CD96: variants seen among roughly 807,000 people sequenced by gnomAD.
CD96 encodes the protein T-cell surface protein tactile.
In CD96, 70 loss-of-function variants were observed where a neutral mutation model predicts 71.3. The ratio of observed to expected loss-of-function variants is 0.98; its 90% confidence interval spans 0.81 to 1.20. The LOEUF (loss-of-function observed/expected upper bound fraction) is 1.20. CD96 is among the 50% of genes most tolerant of loss of function. The probability of loss-of-function intolerance (pLI) is 0.00; values close to 1 mark genes in which losing one functional copy is unlikely to be tolerated. For synonymous variants in CD96, 248 were observed against 233.0 expected, an observed-to-expected ratio of 1.06 and a Z score of -0.59; for missense variants, 742 against 677.5, an observed-to-expected ratio of 1.10 and a Z score of -1.06.
chr3:111,542,457 G>T lies in CD96; in HGVS notation c.61+148G>T, dbSNP rs1559705241. 4 of 708,682 alleles carry T rather than the reference G, an allele frequency of 5.6e-6. No homozygotes were observed. In the South Asian group the frequency reaches 5.9e-5, roughly 11 times the overall value. The allele number at this position is 708,682 out of a possible 1,614,324, so 43.9% of individuals were successfully genotyped here. On this transcript the variant is annotated intron_variant, in intron 1 of 13. Transcript: ENST00000352690. ...AAGGGTTTCAGTTATGTATTTAAGC[G>T]GCAGGTATAAGAGAGATGCTAGAAT...
rs1477942868 is a variant in CD96 at position 111,560,459 on chromosome 3, C to T, written c.419-7064C>T. 7.2e-4 allele frequency among the ~76,000 whole-genome samples: 101 copies of T among 140,084 alleles called. 1 individual carries two copies. Among genetic ancestry groups the T allele is most frequent in the African/African-American group, 2.5e-3 (95 of 37,342 alleles). 91.9% of individuals were successfully genotyped at this position (140,084 alleles called of 152,430 possible). A position where few individuals can be genotyped will look rare whatever the true frequency, so the allele number is the denominator to read the frequency against. The stretch of plus-strand genomic sequence containing the variant: ...TCTGTAAAGTATTTAATTTCTCCTT[C>T]ACTTATGAAGCTTAGTTTGGCTGGA... On this transcript the variant is annotated intron_variant, in intron 2 of 13. Transcript: ENST00000352690.
At chr3:111,563,530 G>A (rs1457212256) in intron 2 of CD96, among the ~76,000 whole-genome samples, 1 of 152,172 alleles carries the variant, frequency 6.6e-6, no homozygotes, top group Non-Finnish European at 1.5e-5. Context: ...TTTTCAATAA[G>A]AAATGCTTTG....
intron 5 of CD96, chr3:111,593,744 G>A (rs972352331): frequency 6.2e-7 from 1 of 1,613,972 alleles, no homozygotes; most frequent in Non-Finnish European, 8.5e-7. Flanking sequence ...CCTTTGGCTG[G>A]CCCACAAAGC....
intron 8 of CD96, among the ~76,000 whole-genome samples, chr3:111,610,995 G>T (rs1331999537): frequency 6.6e-6 from 1 of 152,152 alleles, no homozygotes; most frequent in Non-Finnish European, 1.5e-5. Flanking sequence ...GACAGACAGG[G>T]CTCCTGTTGC....
intron 12 of CD96, among the ~76,000 whole-genome samples, chr3:111,647,088 T>TAAAAAAAAAAAAAAAAA (rs11337310): frequency 1.0e-5 from 1 of 98,944 alleles, no homozygotes. Flanking sequence ...GGGTAAAGAT[T>TAAAAAAAAAAAAAAAAA]AAAAAAAAAA....
At chr3:111,582,324 A>G (rs1015123784) in intron 4 of CD96, among the ~76,000 whole-genome samples, 1 of 152,182 alleles carries the variant, frequency 6.6e-6, no homozygotes, top group African/African-American at 2.4e-5. Context: ...TATGCTCAAG[A>G]ATTTACTTGA....
intron 10 of CD96, among the ~76,000 whole-genome samples, chr3:111,636,199 A>C (rs1939319706): frequency 6.6e-6 from 1 of 152,184 alleles, no homozygotes; most frequent in Non-Finnish European, 1.5e-5. Context: ...ATTGTCCTGT[A>C]ATCAAGCCCT....
intron 3 of CD96, among the ~76,000 whole-genome samples, chr3:111,567,889 T>C (rs1217047460): frequency 6.6e-6 from 1 of 152,206 alleles, no homozygotes; most frequent in East Asian, 1.9e-4. Context: ...TGATTTTTAC[T>C]TCTATCTATA....
At chr3:111,596,766 G>T (rs1233785801) in intron 5 of CD96, among the ~76,000 whole-genome samples, 1 of 152,096 alleles carries the variant, frequency 6.6e-6, no homozygotes, top group Non-Finnish European at 1.5e-5. Context: ...TATTTTAGAG[G>T]ATCTGGTTTT....
intron 2 of CD96, among the ~76,000 whole-genome samples, chr3:111,547,129 T>C (rs1400970847): frequency 6.6e-6 from 1 of 152,212 alleles, no homozygotes. Context: ...ATAACAAATA[T>C]GGATAATTAT....
At chr3:111,653,732 C>T (rs529108945), downstream of CD96, among the ~76,000 whole-genome samples, 17 of 152,174 alleles carry the variant, frequency 1.1e-4, no homozygotes, top group African/African-American at 3.9e-4. Flanking sequence ...TTACTATAGA[C>T]AAGAGCTGCT....
intron 14 of CD96, among the ~76,000 whole-genome samples, chr3:111,658,013 G>A (rs758928389): frequency 2.6e-5 from 4 of 152,254 alleles, no homozygotes; most frequent in Non-Finnish European, 5.9e-5. Flanking sequence ...AAGATATCCC[G>A]GTAGCAAAGA....
rs573283548 is a variant in CD96, at chr3:111,632,699, G to A, written c.1322-4497G>A. Among the ~76,000 whole-genome samples the A allele has an allele frequency of 1.2e-4, 18 of 152,278 alleles. No individual in the cohort carries two copies. The South Asian group carries it at 3.7e-3, about 32-fold the overall frequency. ...GTTCATTGCAGCACTATTCACAATA[G>A]CAAAGACATGGAATCAACCTAAATG... is the stretch of plus-strand genomic sequence containing the variant. On this transcript the variant is annotated intron_variant, in intron 10 of 13. Coordinates refer to ENST00000352690, the MANE Select transcript of CD96 (RefSeq NM_005816.5).
In CD96 at chr3:111,638,306, C is replaced by CTAT. The variant is rs1013616223; in HGVS notation, c.1477+141_1477+143dup. 5.6e-6 allele frequency: 4 copies of CTAT among 720,394 alleles called. No homozygotes were observed. In the Admixed American group the frequency reaches 7.7e-5, roughly 14 times the overall value. The allele number at this position is 720,394 out of a possible 1,614,324, so 44.6% of individuals were successfully genotyped here. On this transcript the variant is annotated intron_variant, in intron 12 of 13. Transcript: ENST00000352690. Reference sequence around the variant, plus strand: ...ACACTGGCTTTTTGAAGATTATAATCTATTAGTGATCGATCATGTGTATAG... The same window carrying CTAT: ...ACACTGGCTTTTTGAAGATTATAATCTATTATTAGTGATCGATCATGTGTATAG...
rs549250538 is a variant in CD96 at position 111,611,885 on chromosome 3, T to G, written c.1180+5093T>G. 3.9e-5 allele frequency among the ~76,000 whole-genome samples: 6 copies of G among 152,276 alleles called. No homozygotes were observed. The South Asian group carries it at 1.2e-3, about 32-fold the overall frequency. ...GAACAAGGTAAAGATGAGCTTCAAC[T>G]CATTTAGCCCCAATTCATAGCCCAC... On this transcript the variant is annotated intron_variant, in intron 8 of 13. Coordinates refer to ENST00000352690, the MANE Select transcript of CD96 (RefSeq NM_005816.5).
chr3:111,615,374 G>A (rs1938178195), intron 8 of CD96, among the ~76,000 whole-genome samples: 1 of 152,196 alleles, frequency 6.6e-6, no homozygotes, highest in Non-Finnish European at 1.5e-5. Flanking sequence ...AAAAGGGAAA[G>A]CTTTCACGTG....
At chr3:111,660,839 C>G (rs1310598925) in intron 14 of CD96, among the ~76,000 whole-genome samples, 2 of 152,144 alleles carry the variant, frequency 1.3e-5, no homozygotes, top group African/African-American at 4.8e-5. Context: ...AAGATGGACT[C>G]CTATCTTTCA....
intron 8 of CD96, among the ~76,000 whole-genome samples, chr3:111,608,974 G>A (rs1937766761): frequency 6.6e-6 from 1 of 152,118 alleles, no homozygotes; most frequent in South Asian, 2.1e-4. Flanking sequence ...AAATGCCCAG[G>A]GAGAGGTACA....
intron 14 of CD96, among the ~76,000 whole-genome samples, chr3:111,663,777 C>T (rs1406709712): frequency 7.0e-6 from 1 of 143,462 alleles, no homozygotes; most frequent in Non-Finnish European, 1.5e-5. Context: ...GAGATGGAGT[C>T]TCGCTCTGTT....
Sources: gnomAD v4.1 joint callset for allele counts (sites outside exome capture counted in the v4.1 genomes callset) on GRCh38, gnomAD v4.1.1 for gene constraint, MANE v1.5 for transcripts, NCBI Gene and HGNC (gene_info 2026-07-23, HGNC 2026-07-21) for gene names.